RASSF3: variants seen among roughly 807,000 people sequenced by gnomAD.
RASSF3 encodes Ras association domain family member 3, also known as ras association domain-containing protein 3.
RASSF3 carries 19 observed loss-of-function variants against 19.9 expected under a neutral mutation model. That is an observed-to-expected ratio of 0.96 (90% CI 0.67 to 1.40). The LOEUF (loss-of-function observed/expected upper bound fraction) is 1.40, where lower values mean the gene tolerates loss of function less well. Among genes scored for constraint, RASSF3 ranks in the 40% most tolerant of loss-of-function variants. The pLI is 0.00. For missense variants in RASSF3, 306 were observed against 289.8 expected (o/e 1.06, Z -0.41); for synonymous variants, 110 against 104.2 (o/e 1.06, Z -0.34).
chr12:64,525,963 G>C (rs1456986546), intron 1 of RASSF3, among the ~76,000 whole-genome samples: 1 of 152,180 alleles, frequency 6.6e-6, no homozygotes, highest in East Asian at 1.9e-4. Context: ...AGGTGAACAG[G>C]GAGAGATGTC....
At chr12:64,577,841 A>G (rs755814711) in intron 2 of RASSF3, among the ~76,000 whole-genome samples, 17 of 152,216 alleles carry the variant, frequency 1.1e-4, no homozygotes, top group African/African-American at 2.2e-4. Flanking sequence ...TGGACAAGAG[A>G]CTTTTTCAGA....
intron 2 of RASSF3, among the ~76,000 whole-genome samples, chr12:64,581,119 A>G (rs1272099046): frequency 2.0e-5 from 3 of 152,144 alleles, no homozygotes; most frequent in Non-Finnish European, 2.9e-5. Context: ...GTAAAAAAAA[A>G]AAAGAGAGAG....
intron 1 of RASSF3, among the ~76,000 whole-genome samples, chr12:64,522,009 C>A (rs144975511): frequency 2.4e-4 from 36 of 152,296 alleles, no homozygotes; most frequent in African/African-American, 7.9e-4. Flanking sequence ...AATTATACAA[C>A]GCTCATCTTG....
chr12:64,679,299 T>G (rs898557332), intron 1 of RASSF3, among the ~76,000 whole-genome samples: 1 of 152,234 alleles, frequency 6.6e-6, no homozygotes, highest in South Asian at 2.1e-4. Flanking sequence ...GACCTCGTGA[T>G]CCACCCACCT....
rs188830817 is a variant in RASSF3, at chr12:64,589,319, A to G, written c.294+47614A>G. Among the ~76,000 whole-genome samples, 769 of 152,130 alleles carry G rather than the reference A, an allele frequency of 5.1e-3. 6 individuals carry two copies. Among genetic ancestry groups the G allele is most frequent in the African/African-American group, 0.017 (698 of 41,510 alleles). ...ATAAAAATTAGCCGGGTGTGGTGGC[A>G]CATGCCTGTAATCCCAGCTACTGGG... On this transcript the variant is annotated intron_variant, in intron 2 of 5. Transcript: ENST00000637125.
chr12:64,684,819 C>A lies in RASSF3; in HGVS notation c.144C>A (p.Tyr48Ter). The A allele has an allele frequency of 6.2e-7, 1 of 1,613,062 alleles. No homozygotes were observed. The highest frequency in any genetic ancestry group is 8.5e-7 in the Non-Finnish European group (1 of 1,179,152). The change falls in exon 2 of 5, where the codon TAC becomes TAA. Residue 48 changes from tyrosine (Y) to a stop codon, truncating the protein, a stop_gained. Coordinates refer to ENST00000542104, the MANE Select transcript of RASSF3 (RefSeq NM_178169.4). LOFTEE classifies it high-confidence loss of function. ...DVEKEKETHS[Y>*]LSKEEIKEKV... ...AGAAAGAGAAGGAAACCCACAGTTA[C>A]CTCAGCAAAGAGGAGATCAAAGAGA...
chr12:64,634,372 A>T (rs1435266270), intron 1 of RASSF3, among the ~76,000 whole-genome samples: 8 of 145,422 alleles, frequency 5.5e-5, no homozygotes, highest in African/African-American at 1.8e-4. Context: ...AGTTCTTACT[A>T]TGTTATCCAG....
chr12:64,608,020 C>T (rs1209335837), upstream of RASSF3, among the ~76,000 whole-genome samples: 12 of 152,174 alleles, frequency 7.9e-5, no homozygotes, highest in African/African-American at 2.2e-4. Context: ...CCTCCCACCT[C>T]GGCCTTCCAA....
rs1868379465 is a variant in RASSF3, at chr12:64,696,754, A to G, written c.*1842A>G. The stretch of plus-strand genomic sequence containing the variant: ...CTAAGCATTTAAGGAAAGTTGAAAA[A>G]AATAGAATTAGCTATAAAATATGTA... On this transcript the variant is annotated 3_prime_UTR_variant, in exon 5 of 5. Coordinates refer to ENST00000542104, the MANE Select transcript of RASSF3 (RefSeq NM_178169.4). 6.6e-6 allele frequency: 1 copy of G among 152,206 alleles called. No individual in the cohort carries two copies. The highest frequency in any genetic ancestry group is 2.4e-5 in the African/African-American group (1 of 41,438). 9.4% of individuals were successfully genotyped at this position (152,206 alleles called of 1,614,324 possible).
chr12:64,560,622 C>T (rs1869331104), intron 2 of RASSF3, among the ~76,000 whole-genome samples: 1 of 152,218 alleles, frequency 6.6e-6, no homozygotes, highest in South Asian at 2.1e-4. Flanking sequence ...GGGTAGCATC[C>T]TCTTAGCCTA....
intron 2 of RASSF3, among the ~76,000 whole-genome samples, chr12:64,547,933 A>C (rs549044684): frequency 3.8e-4 from 58 of 152,300 alleles, no homozygotes; most frequent in Admixed American, 8.5e-4. Flanking sequence ...AATTGCCCTT[A>C]GTATTTTAGT....
intron 2 of RASSF3, among the ~76,000 whole-genome samples, chr12:64,570,518 ATG>A (rs529456967): frequency 4.2e-4 from 64 of 152,288 alleles, no homozygotes; most frequent in African/African-American, 1.4e-3. Context: ...TGCCTCTGAA[ATG>A]TGTTTTGCAT....
intron 1 of RASSF3, among the ~76,000 whole-genome samples, chr12:64,617,151 C>T (rs1870580421): frequency 6.6e-6 from 1 of 152,144 alleles, no homozygotes; most frequent in African/African-American, 2.4e-5. Flanking sequence ...AATGTCTCCC[C>T]CTTTCCAAAC....
downstream of RASSF3, among the ~76,000 whole-genome samples, chr12:64,543,889 G>A (rs530093793): frequency 6.6e-5 from 10 of 152,096 alleles, no homozygotes; most frequent in South Asian, 2.1e-3. Context: ...AATCTAGTGG[G>A]GACATGGAGA....
At chr12:64,671,740 G>A (rs867444154) in intron 1 of RASSF3, among the ~76,000 whole-genome samples, 2 of 152,236 alleles carry the variant, frequency 1.3e-5, no homozygotes, top group Non-Finnish European at 2.9e-5. Flanking sequence ...AGGGCTGGAT[G>A]TGTAGGTGTT....
intron 1 of RASSF3, among the ~76,000 whole-genome samples, chr12:64,517,360 A>T (rs1868386470): frequency 6.6e-6 from 1 of 152,114 alleles, no homozygotes; most frequent in African/African-American, 2.4e-5. Context: ...AAAATTCAAA[A>T]AATATTTTGG....
At chr12:64,599,996 C>T (rs1458176290) in intron 2 of RASSF3, among the ~76,000 whole-genome samples, 2 of 140,444 alleles carry the variant, frequency 1.4e-5, no homozygotes, top group Admixed American at 1.5e-4. Context: ...CGCGCCACTG[C>T]ACCCCAGCCT....
intron 1 of RASSF3, among the ~76,000 whole-genome samples, chr12:64,676,166 ATTTTTTTT>A (rs35376691): frequency 9.4e-6 from 1 of 106,402 alleles, no homozygotes; most frequent in African/African-American, 3.6e-5. Context: ...CAGGAGTAGA[ATTTTTTTT>A]TTTTTTTTTT....
At chr12:64,674,443 C>T (rs935266402) in intron 1 of RASSF3, among the ~76,000 whole-genome samples, 2 of 152,132 alleles carry the variant, frequency 1.3e-5, no homozygotes, top group African/African-American at 4.8e-5. Context: ...CAGCCAGGCA[C>T]AGTGGCTTAT....
Sources: gnomAD v4.1 joint callset for allele counts (sites outside exome capture counted in the v4.1 genomes callset) on GRCh38, gnomAD v4.1.1 for gene constraint, MANE v1.5 for transcripts, NCBI Gene and HGNC (gene_info 2026-07-23, HGNC 2026-07-21) for gene names.